Variants in KCTD3 observed in about 807,000 individuals in gnomAD.
The protein encoded by KCTD3 is BTB/POZ domain-containing protein KCTD3.
KCTD3 carries 41 observed loss-of-function variants against 85.8 expected under a neutral mutation model. The observed-to-expected ratio is 0.48, with a 90% CI of 0.37 to 0.62. KCTD3 has a LOEUF of 0.62. Among genes scored for constraint, KCTD3 ranks in the 20% least tolerant of loss-of-function variants. The pLI is 0.00. For missense variants in KCTD3, 724 were observed against 989.9 expected, an observed-to-expected ratio of 0.73 and a Z score of 3.60; for synonymous variants, 338 against 345.4, an observed-to-expected ratio of 0.98 and a Z score of 0.24.
Position 215,579,009 on chromosome 1 carries a change from G to A in KCTD3, c.407G>A (p.Ser136Asn). ...HGYLPPPGIP[S>N]RKINNTVRSA... Reference sequence around the variant, plus strand: ...CTTCTTCTCTTTATAGGTATTCCTAGTCGTAAAATAAACAACACAGTCAGA... The same window carrying A: ...CTTCTTCTCTTTATAGGTATTCCTAATCGTAAAATAAACAACACAGTCAGA... Residue 136 changes from serine (S) to asparagine (N), a missense_variant, in exon 7 of 18, where the codon AGT becomes AAT. Ser to Asn is a conservative substitution (Grantham distance 46, BLOSUM62 1). Around this residue, in one of 6 missense-constraint regions of KCTD3, gnomAD observed 106 missense variants for 98.2 expected, o/e 1.08. Coordinates refer to ENST00000259154, the MANE Select transcript of KCTD3 (RefSeq NM_016121.5). 3.2e-6 allele frequency: 5 copies of A among 1,554,554 alleles called. No homozygotes were observed. Among genetic ancestry groups the A allele is most frequent in the Non-Finnish European group, 4.3e-6 (5 of 1,156,310 alleles).
At chr1:215,609,005 C>G (rs1655138951) in intron 14 of KCTD3, among the ~76,000 whole-genome samples, 1 of 151,938 alleles carries the variant, frequency 6.6e-6, no homozygotes, top group South Asian at 2.1e-4. Context: ...CGGTGAACAT[C>G]AACTTACAAT....
At position 215,620,903 on chromosome 1, in the gene KCTD3, G is replaced by T; in HGVS notation, c.*285G>T. Reference sequence around the variant, plus strand: ...TTTTGGTTTGGAAACATATTACCACGTCTTAATAGGATGGTGCCCATATAG... The same window carrying T: ...TTTTGGTTTGGAAACATATTACCACTTCTTAATAGGATGGTGCCCATATAG... On this transcript the variant is annotated 3_prime_UTR_variant, in exon 18 of 18. Transcript: ENST00000259154. 1 of 389,550 alleles carries T rather than the reference G, an allele frequency of 2.6e-6. No individual in the cohort carries two copies. Among genetic ancestry groups the T allele is most frequent in the Non-Finnish European group, 4.5e-6 (1 of 220,130 alleles). 24.1% of individuals were successfully genotyped at this position (389,550 alleles called of 1,614,324 possible).
At chr1:215,567,890 C>T (rs1177773085) in intron 1 of KCTD3, 122 bp downstream of exon 1, 48 of 594,832 alleles carry the variant, frequency 8.1e-5, no homozygotes, top group Non-Finnish European at 1.1e-4. Flanking sequence ...TGGAGGGGAA[C>T]GTGGGGGCCT....
intron 8 of KCTD3, among the ~76,000 whole-genome samples, chr1:215,581,921 TA>T (rs910502514): frequency 1.3e-5 from 2 of 152,190 alleles, no homozygotes; most frequent in African/African-American, 2.4e-5. Context: ...ACAAAACCTT[TA>T]AAAAAAGAGT....
intron 8 of KCTD3, among the ~76,000 whole-genome samples, chr1:215,583,094 T>C (rs1337852915): frequency 1.3e-5 from 2 of 152,126 alleles, no homozygotes; most frequent in Non-Finnish European, 2.9e-5. Flanking sequence ...AGAAGTAATA[T>C]GTCTGTAAAA....
intron 13 of KCTD3, among the ~76,000 whole-genome samples, chr1:215,606,349 T>C (rs1655020808): frequency 1.3e-5 from 2 of 152,156 alleles, no homozygotes; most frequent in Non-Finnish European, 2.9e-5. Context: ...CTTTGTGTTC[T>C]TCATAGCTTT....
chr1:215,568,485 G>C (rs1334338599), intron 1 of KCTD3, among the ~76,000 whole-genome samples: 209 of 2,790 alleles, frequency 0.075, no homozygotes, highest in Non-Finnish European at 0.12. Context: ...CTGGCCTTCC[G>C]CCCCCCCCCC....
chr1:215,580,972 A>C lies in KCTD3; in HGVS notation c.626+973A>C, dbSNP rs758511278. On this transcript the variant is annotated intron_variant, in intron 8 of 17. Coordinates refer to ENST00000259154, the MANE Select transcript of KCTD3 (RefSeq NM_016121.5). ...TAAGTGCAGACTTTTATGTTTTAAG[A>C]GTGTTTTGGCTGGGCACGGTGGGTC... The C allele has an allele frequency of 7.5e-5, 35 of 467,150 alleles. No homozygotes were observed. The Middle Eastern group carries it at 2.0e-3, about 26-fold the overall frequency. The allele number at this position is 467,150 out of a possible 1,614,324, so 28.9% of individuals were successfully genotyped here.
At chr1:215,590,866 T>G (rs1372534281) in intron 9 of KCTD3, among the ~76,000 whole-genome samples, 1 of 152,182 alleles carries the variant, frequency 6.6e-6, no homozygotes, top group East Asian at 1.9e-4. Context: ...GTGCTGTACT[T>G]GTGTGTGATA....
chr1:215,618,104 T>C, intron 15 of KCTD3: 1 of 467,584 alleles, frequency 2.1e-6, no homozygotes, highest in Non-Finnish European at 4.4e-6. Flanking sequence ...TGGTGTCAGT[T>C]TGGTTTCTAG....
At chr1:215,572,016 C>T (rs1009385826) in intron 1 of KCTD3, among the ~76,000 whole-genome samples, 3 of 152,180 alleles carry the variant, frequency 2.0e-5, no homozygotes, top group Admixed American at 6.5e-5. Flanking sequence ...TTTTATGGAA[C>T]AGTGCATACA....
At chr1:215,602,732 A>G (rs1654882640) in intron 12 of KCTD3, among the ~76,000 whole-genome samples, 1 of 152,180 alleles carries the variant, frequency 6.6e-6, no homozygotes, top group African/African-American at 2.4e-5. Context: ...GGAGTAAAAG[A>G]TAAGCACAAA....
intron 13 of KCTD3, among the ~76,000 whole-genome samples, chr1:215,607,493 A>G (rs1472604686): frequency 6.6e-6 from 1 of 151,984 alleles, no homozygotes; most frequent in Non-Finnish European, 1.5e-5. Flanking sequence ...TATAAAAATA[A>G]TGCTCAGCTT....
chr1:215,567,665 GC>G lies in KCTD3; in HGVS notation c.-20del. 1.6e-6 allele frequency: 2 copies of G among 1,230,490 alleles called. No homozygotes were observed. The highest frequency in any genetic ancestry group is 2.0e-6 in the Non-Finnish European group (2 of 983,382). 76.2% of individuals were successfully genotyped at this position (1,230,490 alleles called of 1,614,324 possible). ...CCCGGCTGGGGAAGGAGGGCGGCGA[GC>G]GCGTCCGGAGCCGCCGGAGATGGCG... On this transcript the variant is annotated 5_prime_UTR_variant, in exon 1 of 18. Coordinates refer to ENST00000259154, the MANE Select transcript of KCTD3 (RefSeq NM_016121.5).
Position 215,578,053 on chromosome 1 carries a change from C to A in KCTD3, c.369C>A (p.Val123=). 1 of 1,612,090 alleles carries A rather than the reference C, an allele frequency of 6.2e-7. No individual in the cohort carries two copies. Among genetic ancestry groups the A allele is most frequent in the South Asian group, 1.1e-5 (1 of 90,472 alleles). Residue 123 remains valine (V), a synonymous_variant, in exon 6 of 18, where the codon GTC becomes GTA. Transcript: ENST00000259154. ...TGGAGCGTTCCTCTTGTGGCAGTGT[C>A]CTTTTTCATGGTTACTTGCCCCCAC... is the stretch of plus-strand genomic sequence containing the variant. ...EELERSSCGS[V]LFHGYLPPPG...
At chr1:215,569,820 A>G (rs1047864543) in intron 1 of KCTD3, among the ~76,000 whole-genome samples, 1 of 152,200 alleles carries the variant, frequency 6.6e-6, no homozygotes. Flanking sequence ...AAAATAGTAC[A>G]TATATTACTG....
intron 6 of KCTD3, 57 bp downstream of exon 6, chr1:215,578,138 A>G (rs899220479): frequency 4.9e-5 from 70 of 1,437,872 alleles, no homozygotes; most frequent in Non-Finnish European, 6.0e-5. Context: ...AGCAAGTACA[A>G]GCATATGAAT....
chr1:215,621,078 T>A lies in KCTD3; in HGVS notation c.*460T>A, dbSNP rs1371083973. On this transcript the variant is annotated 3_prime_UTR_variant, in exon 18 of 18. Coordinates refer to ENST00000259154, the MANE Select transcript of KCTD3 (RefSeq NM_016121.5). ...AACACTTATTGTGATTGCAAAGTGT[T>A]TACCAGATATTTGATGAGGTGCTAT... The A allele has an allele frequency of 6.3e-6, 1 of 159,048 alleles. No homozygotes were observed. The highest frequency in any genetic ancestry group is 1.4e-5 in the Non-Finnish European group (1 of 72,784). 9.9% of individuals were successfully genotyped at this position (159,048 alleles called of 1,614,324 possible). A position where few individuals can be genotyped will look rare whatever the true frequency, so the allele number is the denominator to read the frequency against.
At chr1:215,603,415 T>C (rs2102592037) in intron 12 of KCTD3, among the ~76,000 whole-genome samples, 2 of 152,224 alleles carry the variant, frequency 1.3e-5, no homozygotes, top group Middle Eastern at 3.4e-3. Flanking sequence ...CTGAATTTTT[T>C]CCTATCTAAA....
Sources: gnomAD v4.1 joint callset for allele counts (sites outside exome capture counted in the v4.1 genomes callset) on GRCh38, gnomAD v4.1.1 for gene constraint, gnomAD v4.1.1 regional missense constraint, MANE v1.5 for transcripts, NCBI Gene and HGNC (gene_info 2026-07-23, HGNC 2026-07-21) for gene names.